LMTK2: variants seen among roughly 807,000 people sequenced by gnomAD.
The protein encoded by LMTK2 is lemur tail kinase 2, also known as serine/threonine-protein kinase LMTK2.
A neutral mutation model predicts 127.5 loss-of-function variants in LMTK2; 37 were observed. That is an observed-to-expected ratio of 0.29 (90% CI 0.22 to 0.38). LMTK2 has a LOEUF of 0.38. Among genes scored for constraint, LMTK2 ranks in the 10% least tolerant of loss-of-function variants. The pLI is 1.00. For synonymous variants in LMTK2, 819 were observed against 810.1 expected (o/e 1.01, Z -0.19); for missense variants, 1,694 against 1,920.3 (o/e 0.88, Z 2.20).
intron 6 of LMTK2, among the ~76,000 whole-genome samples, chr7:98,169,323 G>A (rs2116418529): frequency 6.6e-6 from 1 of 152,350 alleles, no homozygotes; most frequent in Admixed American, 6.5e-5. Flanking sequence ...GTCTTTGAGT[G>A]AAATTTGGGA....
intron 6 of LMTK2, among the ~76,000 whole-genome samples, chr7:98,166,856 C>T (rs191601112): frequency 1.1e-4 from 16 of 152,266 alleles, no homozygotes; most frequent in Non-Finnish European, 2.2e-4. Context: ...GAAGGCATCC[C>T]CAGTGTTAAG....
chr7:98,198,392 T>C (rs763169615), intron 11 of LMTK2, among the ~76,000 whole-genome samples: 17 of 152,132 alleles, frequency 1.1e-4, no homozygotes, highest in Non-Finnish European at 1.9e-4. Context: ...GGTTTCACCA[T>C]GTTGGCCAGG....
Position 98,205,742 on chromosome 7 carries a change from C to T in LMTK2, c.*250C>T. On this transcript the variant is annotated 3_prime_UTR_variant, in exon 14 of 14. Coordinates refer to ENST00000297293, the MANE Select transcript of LMTK2 (RefSeq NM_014916.4). ...CCCGTGCACCCGCGGCCGCGGCCTC[C>T]CAGGCAGTGCTCATGCGCTGGCCGT... 1.7e-6 allele frequency: 1 copy of T among 571,576 alleles called. No homozygotes were observed. The highest frequency in any genetic ancestry group is 3.1e-6 in the Non-Finnish European group (1 of 317,984). 35.4% of individuals were successfully genotyped at this position (571,576 alleles called of 1,614,324 possible).
At chr7:98,130,577 G>A (rs550302005) in intron 1 of LMTK2, among the ~76,000 whole-genome samples, 5 of 152,294 alleles carry the variant, frequency 3.3e-5, no homozygotes, top group Middle Eastern at 3.4e-3. Flanking sequence ...GGGTCTTTAC[G>A]GGGATGATCA....
Position 98,192,469 on chromosome 7 carries a change from T to G in LMTK2, c.2004T>G (p.Thr668=). The change falls in exon 11 of 14, where the codon ACT becomes ACG. Residue 668 remains threonine (T), a synonymous_variant. Transcript: ENST00000297293. Reference sequence around the variant, plus strand: ...TTCAAGCCGACTTTAAACCTGCCACTTTAAGTTCCAGTTTGGATAACCCCA... The same window carrying G: ...TTCAAGCCGACTTTAAACCTGCCACGTTAAGTTCCAGTTTGGATAACCCCA... ...NGVQADFKPA[T]LSSSLDNPKE... is the part of the protein sequence containing the mutation. 1.9e-6 allele frequency: 3 copies of G among 1,611,554 alleles called. No individual in the cohort carries two copies. The highest frequency in any genetic ancestry group is 2.5e-6 in the Non-Finnish European group (3 of 1,179,448).
chr7:98,203,867 G>A (rs1396501927), intron 12 of LMTK2, 77 bp from the exon 13 acceptor site: 1 of 1,592,544 alleles, frequency 6.3e-7, no homozygotes, highest in Non-Finnish European at 8.6e-7. Context: ...GACCTGCAGG[G>A]CGCACCTGCC....
intron 1 of LMTK2, among the ~76,000 whole-genome samples, chr7:98,125,302 CA>C (rs553815609): frequency 2.8e-3 from 362 of 131,228 alleles, no homozygotes; most frequent in Middle Eastern, 7.8e-3. Context: ...GACTCCGTCT[CA>C]AAAAAAAAAA....
chr7:98,156,208 T>C (rs533172616), intron 5 of LMTK2, among the ~76,000 whole-genome samples: 33 of 152,334 alleles, frequency 2.2e-4, no homozygotes, highest in African/African-American at 7.9e-4. Context: ...GGCTCACGCC[T>C]GTAATCCCAG....
intron 11 of LMTK2, among the ~76,000 whole-genome samples, chr7:98,202,697 C>T (rs926335218): frequency 3.9e-5 from 6 of 152,176 alleles, no homozygotes; most frequent in African/African-American, 9.7e-5. Context: ...CGTGTGTGCC[C>T]CGCACCCCAC....
chr7:98,141,264 A>G (rs1242005016), intron 2 of LMTK2, 133 bp from the exon 3 acceptor site: 24 of 760,668 alleles, frequency 3.2e-5, no homozygotes, highest in East Asian at 1.3e-4. Flanking sequence ...AAAATTACAT[A>G]TGCTTTTTAC....
At chr7:98,154,900 C>A in intron 5 of LMTK2, 24 bp downstream of exon 5, 1 of 1,313,256 alleles carries the variant, frequency 7.6e-7, no homozygotes, top group South Asian at 1.2e-5. Flanking sequence ...GTCATGTGTT[C>A]TGTAAGACTA....
At position 98,192,917 on chromosome 7, in the gene LMTK2, A is replaced by G. The variant is rs747282713; in HGVS notation, c.2452A>G (p.Thr818Ala). 6.2e-7 allele frequency: 1 copy of G among 1,614,010 alleles called. No individual in the cohort carries two copies. Among genetic ancestry groups the G allele is most frequent in the Non-Finnish European group, 8.5e-7 (1 of 1,179,964 alleles). The change falls in exon 11 of 14, where the codon ACC becomes GCC. Residue 818 changes from threonine (T) to alanine (A), a missense_variant. By Grantham distance (58) the Thr-to-Ala change is moderately conservative. Around this residue, in one of 8 missense-constraint regions of LMTK2, gnomAD observed 527 missense variants for 539.8 expected, o/e 0.98. Transcript: ENST00000297293. ...TTCCCCGGAAGTGCAGGTACCTCCT[A>G]CCTCCTTCGAAACAGAAGAAACGCC... ...QSSPEVQVPP[T>A]SFETEETPRR...
chr7:98,176,786 G>A (rs1797283954), intron 7 of LMTK2, among the ~76,000 whole-genome samples: 1 of 152,190 alleles, frequency 6.6e-6, no homozygotes, highest in South Asian at 2.1e-4. Flanking sequence ...GGCAGAGGTT[G>A]CAGTGAGCTG....
At chr7:98,181,786 G>A (rs557021001) in intron 7 of LMTK2, among the ~76,000 whole-genome samples, 1 of 149,384 alleles carries the variant, frequency 6.7e-6, no homozygotes, top group African/African-American at 2.4e-5. Flanking sequence ...AGCCTCCCCA[G>A]TAGCTGGAAT....
intron 7 of LMTK2, among the ~76,000 whole-genome samples, chr7:98,176,407 A>G (rs999479809): frequency 8.5e-5 from 13 of 152,338 alleles, no homozygotes; most frequent in Non-Finnish European, 1.3e-4. Flanking sequence ...AAGTCCTTTC[A>G]ATTAAATGAG....
chr7:98,165,381 CT>C (rs747991370), intron 6 of LMTK2, among the ~76,000 whole-genome samples: 8 of 152,238 alleles, frequency 5.3e-5, no homozygotes, highest in Non-Finnish European at 8.8e-5. Flanking sequence ...CAGACCCAGG[CT>C]GCGTGTGTCA....
chr7:98,134,250 G>A (rs914909398), intron 1 of LMTK2, among the ~76,000 whole-genome samples: 3 of 152,214 alleles, frequency 2.0e-5, no homozygotes, highest in Admixed American at 1.3e-4. Context: ...AATGTCAGAT[G>A]AGGTTGATGA....
intron 3 of LMTK2, among the ~76,000 whole-genome samples, chr7:98,145,091 G>T (rs1796752186): frequency 6.6e-6 from 1 of 152,102 alleles, no homozygotes; most frequent in South Asian, 2.1e-4. Flanking sequence ...CTTACCCTCT[G>T]CAGGAGTCGA....
intron 6 of LMTK2, among the ~76,000 whole-genome samples, chr7:98,166,631 G>C (rs1562911629): frequency 6.6e-6 from 1 of 152,204 alleles, no homozygotes. Context: ...TTGAGCCCAG[G>C]AGGTCAAGGC....
Sources: gnomAD v4.1 joint callset for allele counts (sites outside exome capture counted in the v4.1 genomes callset) on GRCh38, gnomAD v4.1.1 for gene constraint, gnomAD v4.1.1 regional missense constraint, MANE v1.5 for transcripts, NCBI Gene and HGNC (gene_info 2026-07-23, HGNC 2026-07-21) for gene names.